The following BIRC6 variants were observed in gnomAD, a reference collection of about 807,000 sequenced individuals.
BIRC6 encodes dual E2 ubiquitin-conjugating enzyme/E3 ubiquitin-protein ligase BIRC6.
Under a neutral mutation model 503.3 loss-of-function variants are expected in BIRC6, and 98 were observed. The ratio of observed to expected loss-of-function variants is 0.19; its 90% CI spans 0.17 to 0.23. The LOEUF is 0.23. Among genes scored for constraint, BIRC6 ranks in the 10% least tolerant of loss-of-function variants. BIRC6 has a pLI of 1.00. For synonymous variants in BIRC6, 2,240 were observed against 2,078.7 expected (o/e 1.08, Z -2.11); for missense variants, 5,360 against 5,806.0 (o/e 0.92, Z 2.50).
intron 17 of BIRC6, 122 bp from the exon 18 acceptor site, chr2:32,441,943 G>A: frequency 2.8e-6 from 2 of 707,692 alleles, no homozygotes; most frequent in Non-Finnish European, 4.2e-6. Flanking sequence ...GCTATTGATT[G>A]TTTTTAAATG....
chr2:32,468,015 A>G lies in BIRC6; in HGVS notation c.5684A>G (p.His1895Arg), dbSNP rs2048740453. 1.2e-6 allele frequency: 2 copies of G among 1,613,900 alleles called. No individual in the cohort carries two copies. The highest frequency in any genetic ancestry group is 1.7e-6 in the Non-Finnish European group (2 of 1,179,834). ...LPWESELKLM[H>R]DPLKGEGESA... ...TGGGAAAGTGAACTGAAGTTAATGC[A>G]TGATCCTCTAAAGGGAGAGGGAGAA... Residue 1895 changes from histidine to arginine, a missense_variant, in exon 28 of 74, where the codon CAT (histidine) becomes CGT (arginine). By Grantham distance (29) the His-to-Arg change is conservative (BLOSUM62 0). Around this residue, in one of 16 missense-constraint regions of BIRC6, gnomAD observed 2,299 missense variants for 2,267.2 expected, o/e 1.01. Coordinates refer to ENST00000421745, the MANE Select transcript of BIRC6 (RefSeq NM_016252.4).
chr2:32,422,713 A>G (rs2043066010), intron 10 of BIRC6, among the ~76,000 whole-genome samples: 1 of 152,102 alleles, frequency 6.6e-6, no homozygotes. Flanking sequence ...AACTCTAACT[A>G]GTTTTGGGGG....
chr2:32,596,206 G>A (rs940094205), intron 68 of BIRC6, among the ~76,000 whole-genome samples: 6 of 152,046 alleles, frequency 3.9e-5, no homozygotes, highest in Non-Finnish European at 7.4e-5. Context: ...TGACCTGGCC[G>A]GGCATGGTGG....
Position 32,442,412 on chromosome 2 carries a change from A to C in BIRC6, c.4195A>C (p.Ser1399Arg). The change falls in exon 19 of 74, where the codon AGT (serine) becomes CGT (arginine). Residue 1399 changes from serine to arginine, a missense_variant. By Grantham distance (110) the Ser-to-Arg change is moderately radical. This residue lies in a region of BIRC6 where 2,299 missense variants were observed against 2,267.2 expected (regional missense o/e 1.01). Coordinates refer to ENST00000421745, the MANE Select transcript of BIRC6 (RefSeq NM_016252.4). ...TGTTTGCTTCTTTGAGGCAGGACGA[A>C]GTATAGCCCATAAGTGTGCCCGATT... is the stretch of plus-strand genomic sequence containing the variant. The part of the protein sequence containing the change: ...VRVCFFEAGR[S>R]IAHKCARFLA... 6.2e-7 allele frequency: 1 copy of C among 1,610,678 alleles called. No individual in the cohort carries two copies. The highest frequency in any genetic ancestry group is 8.5e-7 in the Non-Finnish European group (1 of 1,178,250).
At chr2:32,530,289 C>T (rs1331756597) in intron 60 of BIRC6, among the ~76,000 whole-genome samples, 1 of 152,142 alleles carries the variant, frequency 6.6e-6, no homozygotes, top group Non-Finnish European at 1.5e-5. Context: ...TAGTTCACTG[C>T]AACCTCCGCC....
intron 10 of BIRC6, among the ~76,000 whole-genome samples, chr2:32,425,045 G>A (rs1343779867): frequency 6.6e-6 from 1 of 150,588 alleles, no homozygotes. Context: ...TTGGTGATTT[G>A]TATTTCTATA....
At chr2:32,564,477 ATACC>A (rs1406695602) in intron 65 of BIRC6, 1 of 152,196 alleles carries the variant, frequency 6.6e-6, no homozygotes, top group Non-Finnish European at 1.5e-5. Flanking sequence ...CTTTGGTAAT[ATACC>A]TAGGATGGAA....
At chr2:32,544,129 T>C (rs1477516734) in intron 62 of BIRC6, among the ~76,000 whole-genome samples, 1 of 152,152 alleles carries the variant, frequency 6.6e-6, no homozygotes, top group South Asian at 2.1e-4. Context: ...AAAGGGAGCA[T>C]TGTGAGCATT....
intron 6 of BIRC6, 39 bp from the exon 7 acceptor site, chr2:32,401,124 T>C: frequency 1.1e-5 from 17 of 1,558,300 alleles, no homozygotes; most frequent in Non-Finnish European, 1.5e-5. Context: ...TGAATTGCTT[T>C]ATTTTTAGTA....
At chr2:32,594,472 A>T (rs1001031486) in intron 67 of BIRC6, among the ~76,000 whole-genome samples, 1 of 152,210 alleles carries the variant, frequency 6.6e-6, no homozygotes, top group Admixed American at 6.5e-5. Flanking sequence ...AAATGGATAG[A>T]TCACTTGAGC....
rs187871375 is a variant in BIRC6 at position 32,600,614 on chromosome 2, T to G, written c.13992+714T>G. Among the ~76,000 whole-genome samples, 31 of 152,314 alleles carry G rather than the reference T, an allele frequency of 2.0e-4. No individual in the cohort carries two copies. The East Asian group carries it at 3.7e-3, about 18-fold the overall frequency. On this transcript the variant is annotated intron_variant, in intron 70 of 73. Transcript: ENST00000421745. ...AGGAAATAGCAACATTGACTTTACT[T>G]GAGACACTGGAACTTGAATAGAGTG...
At chr2:32,489,032 T>TA in intron 42 of BIRC6, among the ~76,000 whole-genome samples, 2 of 150,662 alleles carry the variant, frequency 1.3e-5, no homozygotes, top group South Asian at 4.2e-4. Context: ...TTTTTATTAT[T>TA]TTTTTTTTTC....
chr2:32,534,610 A>T (rs2057052415), intron 61 of BIRC6, among the ~76,000 whole-genome samples: 2 of 151,394 alleles, frequency 1.3e-5, no homozygotes, highest in Non-Finnish European at 2.9e-5. Flanking sequence ...GGACGCTTGT[A>T]ATCCCAGCTA....
intron 72 of BIRC6, among the ~76,000 whole-genome samples, chr2:32,609,126 C>T (rs111471249): frequency 0.02 from 3,112 of 152,186 alleles, 52 homozygotes; most frequent in Non-Finnish European, 0.033. Flanking sequence ...TCAGGTGATC[C>T]GCCCGCCTCG....
chr2:32,526,936 A>C (rs1225060062), intron 59 of BIRC6: 1 of 152,396 alleles, frequency 6.6e-6, no homozygotes, highest in Admixed American at 6.5e-5. Context: ...GTCATGGCTG[A>C]TGAAAATCTG....
At chr2:32,438,754 G>A (rs916864518) in intron 15 of BIRC6, among the ~76,000 whole-genome samples, 4 of 151,816 alleles carry the variant, frequency 2.6e-5, no homozygotes, top group Admixed American at 6.6e-5. Context: ...AGTAGACGGG[G>A]TTTCACTGTG....
At chr2:32,568,054 G>A (rs1412199138) in intron 65 of BIRC6, among the ~76,000 whole-genome samples, 1 of 152,206 alleles carries the variant, frequency 6.6e-6, no homozygotes, top group East Asian at 1.9e-4. Flanking sequence ...GGAGCTTGCA[G>A]TGAGTCAAGA....
intron 5 of BIRC6, among the ~76,000 whole-genome samples, chr2:32,394,635 C>A (rs1443787278): frequency 2.0e-5 from 3 of 152,042 alleles, no homozygotes; most frequent in Non-Finnish European, 4.4e-5. Flanking sequence ...AATTTGAGAC[C>A]AGCCTGGATG....
At position 32,595,098 on chromosome 2, in the gene BIRC6, G is replaced by A; in HGVS notation, c.13566G>A (p.Lys4522=). 6.2e-7 allele frequency: 1 copy of A among 1,600,666 alleles called. No individual in the cohort carries two copies. The stretch of plus-strand genomic sequence containing the variant: ...AACCCAAACCTTTGTCAGTATTAAA[G>A]TCACTTGAAGAAAAATATGTGGCTG... ...AMKPKPLSVL[K]SLEEKYVAVM... is the part of the protein sequence containing the mutation. The change falls in exon 68 of 74, where the codon AAG becomes AAA. Residue 4522 remains lysine (K), a synonymous_variant. Coordinates refer to ENST00000421745, the MANE Select transcript of BIRC6 (RefSeq NM_016252.4).
Sources: allele counts gnomAD v4.1 joint callset (sites outside exome capture counted in the v4.1 genomes callset), GRCh38; gene constraint gnomAD v4.1.1; regional missense constraint gnomAD v4.1.1; transcripts MANE v1.5; gene names NCBI Gene and HGNC (gene_info 2026-07-23, HGNC 2026-07-21).